Variants in CAPN9 observed in about 807,000 individuals in gnomAD.
CAPN9 encodes calpain-9.
In CAPN9, 81 loss-of-function variants were observed where a neutral mutation model predicts 92.8. The ratio of observed to expected loss-of-function variants is 0.87; its 90% CI spans 0.73 to 1.05. The LOEUF is 1.05. Among genes scored for constraint, CAPN9 ranks in the 50% least tolerant of loss-of-function variants. CAPN9 has a pLI of 0.00. For missense variants in CAPN9, 848 were observed against 866.2 expected (o/e 0.98, Z 0.26); for synonymous variants, 304 against 328.0 (o/e 0.93, Z 0.79).
chr1:230,749,754 C>G (rs1016276683), intron 1 of CAPN9, among the ~76,000 whole-genome samples: 2 of 152,132 alleles, frequency 1.3e-5, no homozygotes. Flanking sequence ...GGGTCAGCTG[C>G]GTTACCATGA....
rs1667025302 is a variant in CAPN9 at position 230,779,015 on chromosome 1, G to GA, written c.997dup (p.Ile333AsnfsTer54). The GA allele has an allele frequency of 6.2e-7, 1 of 1,613,724 alleles. No individual in the cohort carries two copies. Among genetic ancestry groups the GA allele is most frequent in the Non-Finnish European group, 8.5e-7 (1 of 1,179,920 alleles). ...TCAAGGCCCACTTTGATAAAGTGGA[G>GA]ATCTGCAACCTCACTCCCGATGCCC... On this transcript the variant is annotated frameshift_variant, in exon 9 of 20. Coordinates refer to ENST00000271971, the MANE Select transcript of CAPN9 (RefSeq NM_006615.3). LOFTEE classifies it high-confidence loss of function.
rs780695244 is a variant in CAPN9 at position 230,769,267 on chromosome 1, G to A, written c.789+4G>A. 3.7e-6 allele frequency: 6 copies of A among 1,611,112 alleles called. No homozygotes were observed. In the South Asian group the frequency reaches 4.4e-5, roughly 12 times the overall value. On this transcript the variant is annotated splice_donor_region_variant and intron_variant, in intron 6 of 19. Coordinates refer to ENST00000271971, the MANE Select transcript of CAPN9 (RefSeq NM_006615.3). The stretch of plus-strand genomic sequence containing the variant: ...CAGTGTAACGGGAATTGACCAGGTA[G>A]GCGACTTGAACTCCAACTGCAGGCT...
At position 230,780,324 on chromosome 1, in the gene CAPN9, T is replaced by C; in HGVS notation, c.1260T>C (p.Tyr420=). 1 of 1,614,000 alleles carries C rather than the reference T, an allele frequency of 6.2e-7. No individual in the cohort carries two copies. The highest frequency in any genetic ancestry group is 8.5e-7 in the Non-Finnish European group (1 of 1,179,968). Residue 420 remains tyrosine, a synonymous_variant, in exon 10 of 20, where the codon TAT becomes TAC. Coordinates refer to ENST00000271971, the MANE Select transcript of CAPN9 (RefSeq NM_006615.3). Reference sequence around the variant, plus strand: ...GTGCCAATGTGCTGACAATCGGCTATGCCATTTATGAGGTAGGTGGGAACC... The same window carrying C: ...GTGCCAATGTGCTGACAATCGGCTACGCCATTTATGAGGTAGGTGGGAACC... ...RFGANVLTIG[Y]AIYECPDKDE...
chr1:230,766,525 C>T lies in CAPN9; in HGVS notation c.537-1016C>T, dbSNP rs897482981. ...CAGGACTCCTCAAAACCGTCAAGGT[C>T]ATCAAAAACAAGGACAGTCTTATAA... On this transcript the variant is annotated intron_variant, in intron 4 of 19. Coordinates refer to ENST00000271971, the MANE Select transcript of CAPN9 (RefSeq NM_006615.3). Among the ~76,000 whole-genome samples, 7 of 152,098 alleles carry T rather than the reference C, an allele frequency of 4.6e-5. No homozygotes were observed. The South Asian group carries it at 1.5e-3, about 32-fold the overall frequency.
At chr1:230,758,715 T>C (rs1458437272) in intron 2 of CAPN9, among the ~76,000 whole-genome samples, 1 of 152,168 alleles carries the variant, frequency 6.6e-6, no homozygotes, top group Non-Finnish European at 1.5e-5. Flanking sequence ...GCTTTTAGGT[T>C]CTGATGACGT....
intron 8 of CAPN9, chr1:230,776,770 G>A (rs1163842379): frequency 3.9e-5 from 6 of 152,172 alleles, no homozygotes; most frequent in Non-Finnish European, 8.8e-5. Flanking sequence ...CAGCAGAAGA[G>A]AAGAATAAAA....
chr1:230,788,172 G>A (rs1053632499), intron 13 of CAPN9, among the ~76,000 whole-genome samples: 1 of 152,168 alleles, frequency 6.6e-6, no homozygotes, highest in Non-Finnish European at 1.5e-5. Flanking sequence ...TTCTTTGGGA[G>A]GCTAGAGCAA....
chr1:230,748,895 G>A (rs556827621), intron 1 of CAPN9, among the ~76,000 whole-genome samples: 3 of 152,164 alleles, frequency 2.0e-5, no homozygotes, highest in Non-Finnish European at 2.9e-5. Flanking sequence ...GGGTGTTTCC[G>A]AAGTGGTAAG....
chr1:230,780,611 C>T lies in CAPN9; in HGVS notation c.1384C>T (p.Pro462Ser). Residue 462 changes from proline (P) to serine (S), a missense_variant, in exon 11 of 20, where the codon CCC becomes TCC. Coordinates refer to ENST00000271971, the MANE Select transcript of CAPN9 (RefSeq NM_006615.3). ...LREVSDRFKL[P>S]PGEYILIPST... is the part of the protein sequence containing the mutation. ...AGAAGTCTCCGACCGGTTCAAGCTG[C>T]CCCCTGGGGAGTACATCCTGATTCC... The T allele has an allele frequency of 6.2e-7, 1 of 1,614,022 alleles. No homozygotes were observed. The highest frequency in any genetic ancestry group is 8.5e-7 in the Non-Finnish European group (1 of 1,179,864).
chr1:230,792,681 G>A (rs16852681), intron 16 of CAPN9, among the ~76,000 whole-genome samples, 169 bp from the exon 17 acceptor site: 9,185 of 152,276 alleles, frequency 0.06, 899 homozygotes, highest in African/African-American at 0.21. Context: ...CACCCAAGAC[G>A]AAAAGGAAGA....
chr1:230,764,040 G>A (rs1379396959), intron 4 of CAPN9, among the ~76,000 whole-genome samples: 2 of 152,104 alleles, frequency 1.3e-5, no homozygotes, highest in African/African-American at 2.4e-5. Context: ...ACTTAAAAAG[G>A]CCAAAAATGG....
chr1:230,747,885 C>A (rs542257436), intron 1 of CAPN9, among the ~76,000 whole-genome samples, 176 bp downstream of exon 1: 1 of 152,266 alleles, frequency 6.6e-6, no homozygotes, highest in East Asian at 1.9e-4. Flanking sequence ...AATGTACAGG[C>A]CTGGGATGCT....
chr1:230,788,463 A>G (rs1020159892), intron 13 of CAPN9, among the ~76,000 whole-genome samples: 1 of 152,118 alleles, frequency 6.6e-6, no homozygotes, highest in African/African-American at 2.4e-5. Flanking sequence ...CATAAATACA[A>G]TGAGCTGATG....
intron 13 of CAPN9, among the ~76,000 whole-genome samples, chr1:230,789,761 T>C (rs1343792826): frequency 6.6e-6 from 1 of 152,234 alleles, no homozygotes; most frequent in Non-Finnish European, 1.5e-5. Context: ...AGACTCAGTC[T>C]GGTTTTCCCA....
intron 11 of CAPN9, 49 bp from the exon 12 acceptor site, chr1:230,785,932 A>G (rs758159676): frequency 1.5e-5 from 24 of 1,577,730 alleles, no homozygotes; most frequent in Admixed American, 6.7e-5. Flanking sequence ...GCAGATCCCA[A>G]TGGGAAGTTA....
chr1:230,780,642 CT>C lies in CAPN9; in HGVS notation c.1419del (p.Phe473LeufsTer11), dbSNP rs1019221838. 9 of 1,614,008 alleles carry C rather than the reference CT, an allele frequency of 5.6e-6. No individual in the cohort carries two copies. Among genetic ancestry groups the C allele is most frequent in the Non-Finnish European group, 7.6e-6 (9 of 1,180,024 alleles). ...GGGGAGTACATCCTGATTCCCAGCACTTTTGAGCCCCACCAGGAAGCTGATT... is the reference window on the plus strand; with the variant it reads ...GGGGAGTACATCCTGATTCCCAGCACTTTGAGCCCCACCAGGAAGCTGATT... ...PPGEYILIPSTFEPHQEADFC... is the reference protein window; with the variant it reads ...PPGEYILIPSXFEPHQEADFC... On this transcript the variant is annotated frameshift_variant, in exon 11 of 20. Transcript: ENST00000271971. LOFTEE classifies it high-confidence loss of function.
At chr1:230,751,601 GAA>G (rs1264467789) in intron 1 of CAPN9, among the ~76,000 whole-genome samples, 18 of 11,826 alleles carry the variant, frequency 1.5e-3, no homozygotes, top group African/African-American at 5.6e-3. Flanking sequence ...AAGAAAGAAA[GAA>G]AGAAAGAGAA....
chr1:230,795,613 C>T (rs1371286235), intron 18 of CAPN9: 6 of 243,254 alleles, frequency 2.5e-5, no homozygotes, highest in African/African-American at 1.4e-4. Flanking sequence ...AGGAGAGTCT[C>T]AGTCCCCCTT....
At chr1:230,787,754 C>A in intron 13 of CAPN9, 152 bp downstream of exon 13, 1 of 649,682 alleles carries the variant, frequency 1.5e-6, no homozygotes, top group Non-Finnish European at 2.7e-6. Flanking sequence ...TCATTCAAGG[C>A]CCAAAGACCA....
Sources: gnomAD v4.1 joint callset for allele counts (sites outside exome capture counted in the v4.1 genomes callset) on GRCh38, gnomAD v4.1.1 for gene constraint, MANE v1.5 for transcripts, NCBI Gene and HGNC (gene_info 2026-07-23, HGNC 2026-07-21) for gene names.